The following DNM3 variants were observed in gnomAD, a reference collection of about 807,000 sequenced individuals.
The protein encoded by DNM3 is dynamin 3.
A neutral mutation model predicts 101.6 loss-of-function variants in DNM3; 47 were observed. That is an observed-to-expected ratio of 0.46 (90% CI 0.37 to 0.59). The LOEUF (loss-of-function observed/expected upper bound fraction) is 0.59. Ranked by LOEUF, DNM3 falls within the 20% of genes least tolerant of loss-of-function variation. The pLI, the probability that DNM3 is intolerant of heterozygous loss-of-function variation, is 0.00. For missense variants in DNM3, 849 were observed against 1,085.7 expected, an observed-to-expected ratio of 0.78 and a Z score of 3.06; for synonymous variants, 385 against 387.9, an observed-to-expected ratio of 0.99 and a Z score of 0.09.
chr1:172,280,719 G>C (rs920846895), intron 15 of DNM3, among the ~76,000 whole-genome samples: 1 of 152,024 alleles, frequency 6.6e-6, no homozygotes, highest in Admixed American at 6.6e-5. Flanking sequence ...GTAATACAAA[G>C]ACAAAAAGAA....
intron 1 of DNM3, among the ~76,000 whole-genome samples, chr1:171,873,785 C>T (rs1370253134): frequency 6.6e-6 from 1 of 152,136 alleles, no homozygotes; most frequent in African/African-American, 2.4e-5. Flanking sequence ...AATACTGTCC[C>T]TTTCTTTTTC....
At chr1:172,125,989 C>T (rs545764354) in intron 13 of DNM3, among the ~76,000 whole-genome samples, 48 of 151,738 alleles carry the variant, frequency 3.2e-4, no homozygotes, top group African/African-American at 1.1e-3. Flanking sequence ...TATTAATTTC[C>T]CCTTATTGGT....
intron 15 of DNM3, among the ~76,000 whole-genome samples, chr1:172,299,900 C>T (rs2148843067): frequency 6.6e-6 from 1 of 152,188 alleles, no homozygotes; most frequent in Non-Finnish European, 1.5e-5. Context: ...GTATACATAC[C>T]CAGTAATGGA....
intron 15 of DNM3, among the ~76,000 whole-genome samples, chr1:172,293,824 T>A (rs1051132123): frequency 2.2e-4 from 33 of 152,252 alleles, no homozygotes; most frequent in African/African-American, 7.5e-4. Flanking sequence ...GAAAAAAAAA[T>A]TAAGATTTTC....
intron 15 of DNM3, among the ~76,000 whole-genome samples, chr1:172,300,180 G>A (rs2064370912): frequency 6.6e-6 from 1 of 151,910 alleles, no homozygotes; most frequent in Non-Finnish European, 1.5e-5. Context: ...TTGCTTGTAT[G>A]TCTTCTTTTG....
At chr1:172,273,850 A>G (rs1456887560) in intron 15 of DNM3, among the ~76,000 whole-genome samples, 2 of 152,066 alleles carry the variant, frequency 1.3e-5, no homozygotes, top group South Asian at 2.1e-4. Context: ...TGTGTACCCC[A>G]GTAGTCCCCA....
At chr1:171,977,445 G>A (rs1196901891) in intron 2 of DNM3, among the ~76,000 whole-genome samples, 1 of 151,894 alleles carries the variant, frequency 6.6e-6, no homozygotes, top group Non-Finnish European at 1.5e-5. Context: ...CAAGGGAAGA[G>A]ACACAAGGGG....
chr1:172,025,911 C>A (rs2048172158), intron 4 of DNM3, among the ~76,000 whole-genome samples: 1 of 152,074 alleles, frequency 6.6e-6, no homozygotes, highest in Admixed American at 6.5e-5. Flanking sequence ...TCCAAAGGAT[C>A]ACAACTCCTC....
intron 13 of DNM3, among the ~76,000 whole-genome samples, chr1:172,115,707 A>C (rs1160547170): frequency 6.6e-6 from 1 of 152,190 alleles, no homozygotes; most frequent in African/African-American, 2.4e-5. Context: ...TTACACCAAC[A>C]CAATCCACAT....
At chr1:172,011,027 C>A (rs1290505196) in intron 4 of DNM3, among the ~76,000 whole-genome samples, 2 of 151,608 alleles carry the variant, frequency 1.3e-5, no homozygotes, top group African/African-American at 4.8e-5. Flanking sequence ...TACAATATTC[C>A]TTAAAAATGT....
At chr1:171,893,127 G>A (rs1237804202) in intron 1 of DNM3, among the ~76,000 whole-genome samples, 1 of 152,106 alleles carries the variant, frequency 6.6e-6, no homozygotes, top group East Asian at 1.9e-4. Context: ...TACCCCTTCA[G>A]TGAGGTTGTT....
intron 14 of DNM3, among the ~76,000 whole-genome samples, chr1:172,215,801 C>G (rs184795449): frequency 2.5e-3 from 374 of 151,982 alleles, no homozygotes; most frequent in Non-Finnish European, 4.3e-3. Flanking sequence ...CGTCAGAAAC[C>G]TAGCTGTTGA....
intron 17 of DNM3, among the ~76,000 whole-genome samples, chr1:172,324,233 G>A (rs10047245): frequency 0.074 from 11,207 of 152,150 alleles, 424 homozygotes; most frequent in Middle Eastern, 0.11. Flanking sequence ...CACTTAAAAC[G>A]GGCCTCATTG....
intron 16 of DNM3, chr1:172,310,106 T>C (rs2065017997): frequency 6.6e-6 from 1 of 152,250 alleles, no homozygotes; most frequent in Non-Finnish European, 1.5e-5. Context: ...TCCTGTTATA[T>C]GCGTAGATAT....
intron 1 of DNM3, among the ~76,000 whole-genome samples, chr1:171,861,239 G>T (rs2034146434): frequency 6.6e-6 from 1 of 152,046 alleles, no homozygotes; most frequent in Non-Finnish European, 1.5e-5. Flanking sequence ...TGCAGAAATT[G>T]ACAAACTGAT....
At chr1:171,949,809 C>T (rs533494064) in intron 2 of DNM3, among the ~76,000 whole-genome samples, 1 of 152,288 alleles carries the variant, frequency 6.6e-6, no homozygotes, top group African/African-American at 2.4e-5. Flanking sequence ...GGAACTGGAA[C>T]TCTTACACAC....
intron 1 of DNM3, among the ~76,000 whole-genome samples, chr1:171,889,286 T>C (rs1311137794): frequency 1.3e-5 from 2 of 152,082 alleles, no homozygotes; most frequent in Non-Finnish European, 2.9e-5. Context: ...GCCGTGAATT[T>C]AAATAGGAGA....
At chr1:172,191,583 T>C (rs1231343053) in intron 14 of DNM3, among the ~76,000 whole-genome samples, 2 of 152,114 alleles carry the variant, frequency 1.3e-5, no homozygotes, top group South Asian at 2.1e-4. Flanking sequence ...AGGGATGGCA[T>C]TGAATCTATA....
intron 2 of DNM3, among the ~76,000 whole-genome samples, chr1:171,955,495 G>A (rs1272167256): frequency 1.3e-5 from 2 of 152,146 alleles, no homozygotes; most frequent in Non-Finnish European, 2.9e-5. Context: ...ACCAGAAGGG[G>A]AGTCAAAGAC....
Sources: gnomAD v4.1 joint callset for allele counts (sites outside exome capture counted in the v4.1 genomes callset) on GRCh38, gnomAD v4.1.1 for gene constraint, MANE v1.5 for transcripts, NCBI Gene and HGNC (gene_info 2026-07-23, HGNC 2026-07-21) for gene names.